Variants in MARS1 observed in about 807,000 individuals in gnomAD.
MARS1 encodes the protein methionyl-tRNA synthetase 1, also known as methionine--tRNA ligase, cytoplasmic.
In MARS1, 80 loss-of-function variants were observed where a neutral mutation model predicts 119.5. The observed-to-expected ratio is 0.67, with a 90% CI of 0.56 to 0.81. MARS1 has a LOEUF of 0.81. Among genes scored for constraint, MARS1 ranks in the 30% least tolerant of loss-of-function variants. MARS1 has a pLI of 0.00. For missense variants in MARS1, 945 were observed against 1,116.5 expected, an observed-to-expected ratio of 0.85 and a Z score of 2.19; for synonymous variants, 418 against 433.4, an observed-to-expected ratio of 0.96 and a Z score of 0.44.
chr12:57,512,447 G>C, intron 14 of MARS1, 94 bp downstream of exon 14: 2 of 872,122 alleles, frequency 2.3e-6, no homozygotes, highest in South Asian at 2.9e-5. Flanking sequence ...GCTATCTTGA[G>C]TTAGGAGTTG....
intron 11 of MARS1, among the ~76,000 whole-genome samples, chr12:57,508,397 G>A (rs1237938037): frequency 6.6e-6 from 1 of 152,264 alleles, no homozygotes; most frequent in East Asian, 1.9e-4. Context: ...ACGAGACTCC[G>A]TCTGCAATCC....
chr12:57,488,385 C>T (rs1376189035), intron 1 of MARS1, 186 bp downstream of exon 1: 3 of 715,544 alleles, frequency 4.2e-6, no homozygotes, highest in South Asian at 1.8e-5. Flanking sequence ...CCTTTAATTA[C>T]CCTCAATATA....
intron 11 of MARS1, among the ~76,000 whole-genome samples, chr12:57,508,893 A>G (rs113171815): frequency 2.4e-3 from 359 of 152,272 alleles, no homozygotes; most frequent in African/African-American, 8.3e-3. Flanking sequence ...ACCATGCAAT[A>G]CTTTGCTCTT....
intron 10 of MARS1, among the ~76,000 whole-genome samples, chr12:57,501,532 A>G (rs1876914656): frequency 6.6e-6 from 1 of 152,098 alleles, no homozygotes; most frequent in Admixed American, 6.6e-5. Context: ...CTGAAAATAC[A>G]GAAATGGCTA....
chr12:57,493,383 A>AGT (rs1876119523), intron 7 of MARS1, among the ~76,000 whole-genome samples: 3 of 42,094 alleles, frequency 7.1e-5, no homozygotes, highest in African/African-American at 3.6e-4. Flanking sequence ...TATATTATAT[A>AGT]ATATATTATA....
intron 11 of MARS1, among the ~76,000 whole-genome samples, chr12:57,505,186 A>C (rs1443221181): frequency 7.2e-6 from 1 of 138,736 alleles, no homozygotes; most frequent in African/African-American, 2.7e-5. Context: ...TTTGAGATGG[A>C]GCTTCTCTCT....
intron 10 of MARS1, 29 bp from the exon 11 acceptor site, chr12:57,504,196 G>T (rs980150133): frequency 1.3e-6 from 2 of 1,577,332 alleles, no homozygotes; most frequent in Admixed American, 1.7e-5. Context: ...CTGCAGGCCT[G>T]ATCTGTCCTC....
At chr12:57,508,363 TG>T (rs1207547315) in intron 11 of MARS1, among the ~76,000 whole-genome samples, 5 of 152,232 alleles carry the variant, frequency 3.3e-5, no homozygotes, top group African/African-American at 9.7e-5. Context: ...CACTCCAGCC[TG>T]GGCACCATTG....
intron 1 of MARS1, 200 bp downstream of exon 1, chr12:57,488,399 C>G (rs753558192): frequency 6.8e-6 from 5 of 733,160 alleles, no homozygotes; most frequent in Non-Finnish European, 8.9e-6. Context: ...CAATATAATA[C>G]CCTTCCCTTA....
rs779129819 is a variant in MARS1, at chr12:57,489,533, G to A, written c.389G>A (p.Arg130His). 1.9e-6 allele frequency: 3 copies of A among 1,614,062 alleles called. No homozygotes were observed. Among genetic ancestry groups the A allele is most frequent in the African/African-American group, 1.3e-5 (1 of 74,916 alleles). Residue 130 changes from arginine to histidine, a missense_variant, in exon 4 of 21, where the codon CGT becomes CAT. Physicochemically the swap from Arg to His is conservative, Grantham distance 29 (BLOSUM62 0). Coordinates refer to ENST00000262027, the MANE Select transcript of MARS1 (RefSeq NM_004990.4). The stretch of plus-strand genomic sequence containing the variant: ...ACTCACATTGACCACAGCTTGAGTC[G>A]TCAGAACTGTCCTTTCCTGGCTGGG... ...ALTHIDHSLS[R>H]QNCPFLAGET...
intron 11 of MARS1, among the ~76,000 whole-genome samples, chr12:57,509,490 G>C (rs894386322): frequency 2.0e-5 from 3 of 151,666 alleles, no homozygotes; most frequent in African/African-American, 7.3e-5. Context: ...CACTGCAACT[G>C]CCATCTCCAG....
At chr12:57,500,916 C>CTG (rs766171003) in intron 10 of MARS1, among the ~76,000 whole-genome samples, 3 of 152,184 alleles carry the variant, frequency 2.0e-5, no homozygotes, top group Non-Finnish European at 2.9e-5. Flanking sequence ...ATTCTGCGTG[C>CTG]TGGGGGTATG....
At chr12:57,488,993 T>TTA in intron 1 of MARS1, 26 bp from the exon 2 acceptor site, 1 of 1,470,868 alleles carries the variant, frequency 6.8e-7, no homozygotes, top group Non-Finnish European at 9.5e-7. Context: ...TTTTTTTTTT[T>TTA]AACCCATTTT....
intron 1 of MARS1, chr12:57,488,540 A>G: frequency 1.3e-6 from 2 of 1,538,724 alleles, no homozygotes; most frequent in Non-Finnish European, 1.8e-6. Flanking sequence ...GACAGCCCCC[A>G]GGCACCCTTT....
intron 7 of MARS1, among the ~76,000 whole-genome samples, chr12:57,493,802 T>A (rs867070283): frequency 0.19 from 163 of 870 alleles, 23 homozygotes; most frequent in Admixed American, 0.27. Context: ...TATATTATAT[T>A]ATATAATGTA....
At chr12:57,495,214 C>T (rs2673326) in intron 7 of MARS1, among the ~76,000 whole-genome samples, 2,895 of 149,110 alleles carry the variant, frequency 0.019, 47 homozygotes, top group Non-Finnish European at 0.032. Flanking sequence ...GCCAGGCGGG[C>T]GCTGCCCCCC....
intron 7 of MARS1, among the ~76,000 whole-genome samples, chr12:57,494,729 C>G (rs913047870): frequency 6.6e-6 from 1 of 151,962 alleles, no homozygotes; most frequent in Non-Finnish European, 1.5e-5. Context: ...ATGCTGCCTT[C>G]AAGCATCTGC....
At chr12:57,490,780 CTTTTTTTTTT>C (rs35674919) in intron 7 of MARS1, 136 bp downstream of exon 7, 6 of 255,600 alleles carry the variant, frequency 2.3e-5, no homozygotes, top group South Asian at 8.7e-5. Flanking sequence ...TCTTACATCT[CTTTTTTTTTT>C]TTTTTTTTTT....
chr12:57,511,179 C>T (rs1406367268), intron 11 of MARS1, among the ~76,000 whole-genome samples: 1 of 151,868 alleles, frequency 6.6e-6, no homozygotes, highest in East Asian at 1.9e-4. Context: ...CAGGATTTTG[C>T]TGTGTTGCCC....
Sources: gnomAD v4.1 joint callset for allele counts (sites outside exome capture counted in the v4.1 genomes callset) on GRCh38, gnomAD v4.1.1 for gene constraint, MANE v1.5 for transcripts, NCBI Gene and HGNC (gene_info 2026-07-23, HGNC 2026-07-21) for gene names.